The following ZNF827 variants were observed in gnomAD, a reference collection of about 807,000 sequenced individuals.
ZNF827 encodes the protein zinc finger protein 827.
A neutral mutation model predicts 102.4 loss-of-function variants in ZNF827; 13 were observed. The observed-to-expected ratio is 0.13, with a 90% confidence interval of 0.08 to 0.20. The LOEUF (loss-of-function observed/expected upper bound fraction) is 0.20. ZNF827 is among the 10% of genes least tolerant of loss of function. ZNF827 has a pLI of 1.00. For synonymous variants in ZNF827, 523 were observed against 536.2 expected (o/e 0.98, Z 0.34); for missense variants, 1,103 against 1,344.4 (o/e 0.82, Z 2.81).
intron 4 of ZNF827, among the ~76,000 whole-genome samples, chr4:145,874,688 C>T (rs1749003752): frequency 6.6e-6 from 1 of 152,180 alleles, no homozygotes; most frequent in African/African-American, 2.4e-5. Context: ...ATTCCTACTA[C>T]TAACACAGAA....
chr4:145,804,639 A>AGGC (rs1741228512), intron 8 of ZNF827, among the ~76,000 whole-genome samples: 1 of 152,196 alleles, frequency 6.6e-6, no homozygotes, highest in Admixed American at 6.5e-5. Context: ...TTTAGTTGAA[A>AGGC]ACTCATCTTG....
At chr4:145,868,072 A>G (rs1267660855) in intron 5 of ZNF827, among the ~76,000 whole-genome samples, 1 of 152,216 alleles carries the variant, frequency 6.6e-6, no homozygotes. Context: ...TCTAATATCC[A>G]CTTTAAACCT....
intron 5 of ZNF827, among the ~76,000 whole-genome samples, chr4:145,855,994 T>C (rs1013300666): frequency 6.6e-6 from 1 of 152,124 alleles, no homozygotes; most frequent in Admixed American, 6.5e-5. Context: ...TGAGACAAGC[T>C]TTATTTTTTT....
chr4:145,932,447 A>C (rs1016365540), intron 1 of ZNF827, among the ~76,000 whole-genome samples: 3 of 151,854 alleles, frequency 2.0e-5, no homozygotes, highest in African/African-American at 7.3e-5. Flanking sequence ...TTCTACAAGA[A>C]CATGTTGACA....
At chr4:145,908,243 T>C (rs1246346413) in intron 1 of ZNF827, among the ~76,000 whole-genome samples, 1 of 152,212 alleles carries the variant, frequency 6.6e-6, no homozygotes, top group Non-Finnish European at 1.5e-5. Flanking sequence ...AAAAGTCCCA[T>C]TTCTAAATCT....
At chr4:145,817,971 G>A (rs1742757928) in intron 8 of ZNF827, among the ~76,000 whole-genome samples, 1 of 152,088 alleles carries the variant, frequency 6.6e-6, no homozygotes, top group Admixed American at 6.5e-5. Flanking sequence ...AATGTTCCAA[G>A]TGACTATGAT....
At chr4:145,836,295 G>A (rs1030570469) in intron 7 of ZNF827, among the ~76,000 whole-genome samples, 2 of 151,654 alleles carry the variant, frequency 1.3e-5, no homozygotes, top group South Asian at 2.1e-4. Context: ...TGGTTAGCGC[G>A]GTCAGAATTC....
intron 1 of ZNF827, among the ~76,000 whole-genome samples, chr4:145,914,171 A>G (rs569588993): frequency 1.1e-4 from 16 of 152,278 alleles, no homozygotes; most frequent in African/African-American, 3.6e-4. Flanking sequence ...AACTTCATAC[A>G]GTAAGTCCTT....
intron 8 of ZNF827, among the ~76,000 whole-genome samples, chr4:145,802,434 G>A (rs184511609): frequency 1.5e-3 from 234 of 152,280 alleles, no homozygotes; most frequent in African/African-American, 5.5e-3. Flanking sequence ...ATGGGAGTTT[G>A]GATCCACAAG....
At chr4:145,785,158 C>T (rs72952695) in intron 8 of ZNF827, among the ~76,000 whole-genome samples, 4,412 of 152,222 alleles carry the variant, frequency 0.029, 204 homozygotes, top group African/African-American at 0.099. Flanking sequence ...GTAAGGAGAA[C>T]GATCTCATCT....
intron 5 of ZNF827, 129 bp downstream of exon 5, chr4:145,870,116 G>A (rs1346208188): frequency 5.8e-6 from 5 of 863,012 alleles, no homozygotes; most frequent in East Asian, 5.3e-5. Flanking sequence ...TAATCTGATC[G>A]TTCTTTGAAT....
At chr4:145,846,471 C>G (rs1745956425) in intron 6 of ZNF827, among the ~76,000 whole-genome samples, 2 of 147,082 alleles carry the variant, frequency 1.4e-5, no homozygotes, top group Admixed American at 6.8e-5. Context: ...GAGCAAGACT[C>G]TGTCTCAAAC....
intron 5 of ZNF827, among the ~76,000 whole-genome samples, chr4:145,852,977 A>G (rs1299916652): frequency 6.6e-6 from 1 of 152,220 alleles, no homozygotes; most frequent in Non-Finnish European, 1.5e-5. Context: ...AGATGTTGCC[A>G]AATTTTCTCA....
At chr4:145,915,527 T>A (rs2126941543) in intron 1 of ZNF827, among the ~76,000 whole-genome samples, 1 of 152,246 alleles carries the variant, frequency 6.6e-6, no homozygotes, top group African/African-American at 2.4e-5. Flanking sequence ...AGAGCTCTCC[T>A]GACCTAATCA....
chr4:145,886,027 C>T lies in ZNF827; in HGVS notation c.1398G>A (p.Lys466=), dbSNP rs374154351. 4 of 1,614,080 alleles carry T rather than the reference C, an allele frequency of 2.5e-6. No individual in the cohort carries two copies. The African/African-American group carries it at 5.3e-5, about 22-fold the overall frequency. ...QHFLRTEAKV[K]EEIPDPDVKG... is the part of the protein sequence containing the mutation. ...TGACATCTGGGTCTGGGATCTCCTC[C>T]TTCACCTTGGCTTCTGTCCTCAGGA... The change falls in exon 4 of 15, where the codon AAG becomes AAA. Residue 466 remains lysine, a synonymous_variant. Transcript: ENST00000508784.
chr4:145,774,392 T>TGGAA, intron 11 of ZNF827, 114 bp downstream of exon 11: 1 of 1,191,690 alleles, frequency 8.4e-7, no homozygotes, highest in Non-Finnish European at 1.2e-6. Context: ...CTTCCTTCCA[T>TGGAA]GGAAGGAAAA....
chr4:145,880,386 T>C (rs1749562355), intron 4 of ZNF827, among the ~76,000 whole-genome samples: 1 of 152,250 alleles, frequency 6.6e-6, no homozygotes. Flanking sequence ...TTAGTAAGTA[T>C]TAAACAAAGT....
intron 7 of ZNF827, among the ~76,000 whole-genome samples, chr4:145,826,246 G>A (rs776810733): frequency 2.6e-5 from 4 of 152,260 alleles, no homozygotes; most frequent in Non-Finnish European, 4.4e-5. Context: ...CCTCAGTTTC[G>A]TCACTGAAAA....
intron 3 of ZNF827, among the ~76,000 whole-genome samples, chr4:145,891,850 A>G (rs1750631701): frequency 6.6e-6 from 1 of 152,208 alleles, no homozygotes; most frequent in Non-Finnish European, 1.5e-5. Flanking sequence ...AGCAGGTTCA[A>G]CAGCCCTCTC....
Sources: allele counts gnomAD v4.1 joint callset (sites outside exome capture counted in the v4.1 genomes callset), GRCh38; gene constraint gnomAD v4.1.1; transcripts MANE v1.5; gene names NCBI Gene and HGNC (gene_info 2026-07-23, HGNC 2026-07-21).